C8orf48: variants seen among roughly 807,000 people sequenced by gnomAD.
C8orf48 encodes chromosome 8 open reading frame 48, also known as uncharacterized protein C8orf48.
For missense variants in C8orf48, 580 were observed against 363.3 expected (o/e 1.60, Z -4.85); for synonymous variants, 188 against 138.2 (o/e 1.36, Z -2.53).
Position 13,568,182 on chromosome 8 carries a change from A to AC in C8orf48, c.*231_*232insC, listed in dbSNP as rs1804524614. 5 of 471,286 alleles carry AC rather than the reference A, an allele frequency of 1.1e-5. No homozygotes were observed. In the Admixed American group the frequency reaches 2.0e-4, roughly 19 times the overall value. The allele number at this position is 471,286 out of a possible 1,614,324, so 29.2% of individuals were successfully genotyped here. A position where few individuals can be genotyped will look rare whatever the true frequency, so the allele number is the denominator to read the frequency against. On this transcript the variant is annotated 3_prime_UTR_variant, in exon 1 of 1. Coordinates refer to ENST00000297324, the MANE Select transcript of C8orf48 (RefSeq NM_001007090.3). ...GTTTGGGCCAGGATGTTGATGGTAC[A>AC]GAAGCAAAGTAGTATGGGGATGTAA...
At position 13,567,314 on chromosome 8, in the gene C8orf48, C is replaced by A. The variant is rs970878319; in HGVS notation, c.323C>A (p.Pro108Gln). The A allele has an allele frequency of 1.9e-6, 3 of 1,551,662 alleles. No individual in the cohort carries two copies. In the South Asian group the frequency reaches 3.6e-5, roughly 18 times the overall value. ...CGGCACCAACCAGACACCAAACTTC[C>A]AACAGAAATCACTCGGGTATCAGAT... ...FERHQPDTKL[P>Q]TEITRVSDEE... Residue 108 changes from proline (P) to glutamine (Q), a missense_variant, in exon 1 of 1, where the codon CCA (proline) becomes CAA (glutamine). By Grantham distance (76) the Pro-to-Gln change is moderately conservative (BLOSUM62 -1). Coordinates refer to ENST00000297324, the MANE Select transcript of C8orf48 (RefSeq NM_001007090.3).
At chr8:13,567,275 ACT>A in the C8orf48 span, 1 of 1,551,624 alleles carries the variant, frequency 6.4e-7, no homozygotes, top group Non-Finnish European at 8.7e-7. Context: ...AAGCTCAAAG[ACT>A]CTAACTTTGA....
Position 13,567,300 on chromosome 8 carries a change from A to G in C8orf48, c.309A>G (p.Pro103=), listed in dbSNP as rs370265980. 35 of 1,551,812 alleles carry G rather than the reference A, an allele frequency of 2.3e-5. No homozygotes were observed. The highest frequency in any genetic ancestry group is 3.0e-5 in the Non-Finnish European group (34 of 1,147,028). ...LKDSNFERHQ[P]DTKLPTEITR... ...ACTCTAACTTTGAACGGCACCAACC[A>G]GACACCAAACTTCCAACAGAAATCA... The change falls in exon 1 of 1, where the codon CCA becomes CCG. Residue 103 remains proline, a synonymous_variant. Transcript: ENST00000297324.
chr8:13,567,620 C>T lies in C8orf48; in HGVS notation c.629C>T (p.Ala210Val). Residue 210 changes from alanine to valine, a missense_variant, in exon 1 of 1, where the codon GCC becomes GTC. Coordinates refer to ENST00000297324, the MANE Select transcript of C8orf48 (RefSeq NM_001007090.3). ...PYCNRKRAEL[A>V]LSAFLKQKKT... ...TGTAACAGGAAAAGAGCGGAGCTGG[C>T]CCTGTCTGCCTTTCTGAAACAAAAG... The T allele has an allele frequency of 3.2e-6, 5 of 1,551,670 alleles. No homozygotes were observed. The highest frequency in any genetic ancestry group is 4.4e-6 in the Non-Finnish European group (5 of 1,146,992).
chr8:13,567,781 AGACT>A, the C8orf48 span: 7 of 1,551,946 alleles, frequency 4.5e-6, no homozygotes, highest in Non-Finnish European at 6.1e-6. Context: ...AATCTGGAAA[AGACT>A]GACTGAGAAA....
chr8:13,567,685 G>C lies in C8orf48; in HGVS notation c.694G>C (p.Asp232His). ...GTCATTTCTACTCCAAGAGAGAATA[G>C]ATGAACATCTTCATACCAAAGACTT... ...LESFLLQERI[D>H]EHLHTKDFLT... Residue 232 changes from aspartate to histidine, a missense_variant, in exon 1 of 1, where the codon GAT becomes CAT. Asp to His is a moderately conservative substitution (Grantham distance 81). Coordinates refer to ENST00000297324, the MANE Select transcript of C8orf48 (RefSeq NM_001007090.3). 1 of 1,551,960 alleles carries C rather than the reference G, an allele frequency of 6.4e-7. No homozygotes were observed. The highest frequency in any genetic ancestry group is 8.7e-7 in the Non-Finnish European group (1 of 1,147,046).
At position 13,567,146 on chromosome 8, in the gene C8orf48, G is replaced by A; in HGVS notation, c.155G>A (p.Gly52Glu). ...CGGCAGTCCTCGCCCCTGACCTCTG[G>A]GAGCAAACTGGAGAGGGAAAAGCAG... ...GGRQSSPLTS[G>E]SKLEREKQTP... The change falls in exon 1 of 1, where the codon GGG (glycine) becomes GAG (glutamate). Residue 52 changes from glycine to glutamate, a missense_variant. Physicochemically the swap from Gly to Glu is moderately conservative, Grantham distance 98. Transcript: ENST00000297324. 1.3e-6 allele frequency: 2 copies of A among 1,551,712 alleles called. No individual in the cohort carries two copies. Among genetic ancestry groups the A allele is most frequent in the Non-Finnish European group, 1.7e-6 (2 of 1,147,008 alleles).
rs1266839408 is a variant in C8orf48 at position 13,567,645 on chromosome 8, G to C, written c.654G>C (p.Lys218Asn). ...CCCTGTCTGCCTTTCTGAAACAAAAGAAGACTTTACTGGAGTCATTTCTAC... is the reference window on the plus strand; with the variant it reads ...CCCTGTCTGCCTTTCTGAAACAAAACAAGACTTTACTGGAGTCATTTCTAC... ...ELALSAFLKQ[K>N]KTLLESFLLQ... Residue 218 changes from lysine (K) to asparagine (N), a missense_variant, in exon 1 of 1, where the codon AAG (lysine) becomes AAC (asparagine). Transcript: ENST00000297324. 1 of 1,551,670 alleles carries C rather than the reference G, an allele frequency of 6.4e-7. No homozygotes were observed. The highest frequency in any genetic ancestry group is 1.2e-5 in the South Asian group (1 of 84,056).
rs1304940675 is a variant in C8orf48 at position 13,567,403 on chromosome 8, G to A, written c.412G>A (p.Asp138Asn). Reference protein sequence around the residue: ...MKINLIHRRGDSKKKTSSRHK... With the variant: ...MKINLIHRRGNSKKKTSSRHK... The stretch of plus-strand genomic sequence containing the variant: ...GATAAATTTGATTCATCGTAGAGGG[G>A]ATTCTAAGAAGAAGACGAGCAGCAG... The change falls in exon 1 of 1, where the codon GAT becomes AAT. Residue 138 changes from aspartate (D) to asparagine (N), a missense_variant. By Grantham distance (23) the Asp-to-Asn change is conservative. Transcript: ENST00000297324. 14 of 1,551,644 alleles carry A rather than the reference G, an allele frequency of 9.0e-6. No homozygotes were observed. The highest frequency in any genetic ancestry group is 6.8e-5 in the African/African-American group (5 of 73,040).
Position 13,567,955 on chromosome 8 carries a change from G to C in C8orf48, c.*4G>C, listed in dbSNP as rs964731705. On this transcript the variant is annotated 3_prime_UTR_variant, in exon 1 of 1. Coordinates refer to ENST00000297324, the MANE Select transcript of C8orf48 (RefSeq NM_001007090.3). ...GATTGTTAATGATAATGTGTAATGTGGATAGATGTCTTTGTTGTGTATTTG... is the reference window on the plus strand; with the variant it reads ...GATTGTTAATGATAATGTGTAATGTCGATAGATGTCTTTGTTGTGTATTTG... 2.0e-5 allele frequency: 31 copies of C among 1,529,588 alleles called. No individual in the cohort carries two copies. Among genetic ancestry groups the C allele is most frequent in the Non-Finnish European group, 2.6e-5 (30 of 1,137,572 alleles). 94.8% of individuals were successfully genotyped at this position (1,529,588 alleles called of 1,614,324 possible). A position where few individuals can be genotyped will look rare whatever the true frequency, so the allele number is the denominator to read the frequency against.
Position 13,566,875 on chromosome 8 carries a change from A to AAC in C8orf48, c.-117_-116insAC. On this transcript the variant is annotated 5_prime_UTR_variant, in exon 1 of 1. Transcript: ENST00000297324. ...CTGGGAAGGCGTCTCCCGGAAGACGACCTCCGCAGAGCTGATGGCATTGAG... is the reference window on the plus strand; with the variant it reads ...CTGGGAAGGCGTCTCCCGGAAGACGAACCCTCCGCAGAGCTGATGGCATTGAG... The AAC allele has an allele frequency of 7.6e-7, 1 of 1,312,666 alleles. No individual in the cohort carries two copies. Among genetic ancestry groups the AAC allele is most frequent in the South Asian group, 1.8e-5 (1 of 55,838 alleles). The allele number at this position is 1,312,666 out of a possible 1,614,324, so 81.3% of individuals were successfully genotyped here.
chr8:13,567,174 T>G lies in C8orf48; in HGVS notation c.183T>G (p.Thr61=). The part of the protein sequence containing the change: ...SGSKLEREKQ[T]PSLEQGDTQS... Reference sequence around the variant, plus strand: ...GCAAACTGGAGAGGGAAAAGCAGACTCCAAGCTTGGAACAAGGAGACACAC... The same window carrying G: ...GCAAACTGGAGAGGGAAAAGCAGACGCCAAGCTTGGAACAAGGAGACACAC... Residue 61 remains threonine, a synonymous_variant, in exon 1 of 1, where the codon ACT becomes ACG. Coordinates refer to ENST00000297324, the MANE Select transcript of C8orf48 (RefSeq NM_001007090.3). 1 of 1,551,716 alleles carries G rather than the reference T, an allele frequency of 6.4e-7. No homozygotes were observed. Among genetic ancestry groups the G allele is most frequent in the Non-Finnish European group, 8.7e-7 (1 of 1,146,992 alleles).
Position 13,568,026 on chromosome 8 carries a change from A to C in C8orf48, c.*75A>C. ...CAGGCACTTGGGAAACTAACTTAAG[A>C]CTTTACTATGCTTCCTTCACAGATT... On this transcript the variant is annotated 3_prime_UTR_variant, in exon 1 of 1. Coordinates refer to ENST00000297324, the MANE Select transcript of C8orf48 (RefSeq NM_001007090.3). The C allele has an allele frequency of 7.1e-7, 1 of 1,401,878 alleles. No homozygotes were observed. 86.8% of individuals were successfully genotyped at this position (1,401,878 alleles called of 1,614,324 possible). A position where few individuals can be genotyped will look rare whatever the true frequency, so the allele number is the denominator to read the frequency against.
the C8orf48 span, chr8:13,567,662 C>A: frequency 1.3e-6 from 2 of 1,551,772 alleles, no homozygotes; most frequent in Non-Finnish European, 1.7e-6. Flanking sequence ...TTACTGGAGT[C>A]ATTTCTACTC....
chr8:13,566,996 C>T lies in C8orf48; in HGVS notation c.5C>T (p.Ala2Val). The T allele has an allele frequency of 1.9e-6, 3 of 1,542,556 alleles. No homozygotes were observed. The highest frequency in any genetic ancestry group is 2.7e-5 in the African/African-American group (2 of 72,820). M[A>V]ICPELAQTDK... ...AGCCGAGCCTGATGCATTGTGATGG[C>T]CATCTGCCCAGAATTGGCCCAAACG... Residue 2 changes from alanine to valine, a missense_variant, in exon 1 of 1, where the codon GCC (alanine) becomes GTC (valine). Ala to Val is a moderately conservative substitution (Grantham distance 64, BLOSUM62 0). Transcript: ENST00000297324.
Position 13,567,549 on chromosome 8 carries a change from A to C in C8orf48, c.558A>C (p.Lys186Asn). Residue 186 changes from lysine to asparagine, a missense_variant, in exon 1 of 1, where the codon AAA becomes AAC. Transcript: ENST00000297324. The stretch of plus-strand genomic sequence containing the variant: ...TTAAAAACATGAGGACAACGCCAAA[A>C]CAGGAGGCAGCAGCTAAGCAACACA... Reference protein sequence around the residue: ...IYFKNMRTTPKQEAAAKQHIS... With the variant: ...IYFKNMRTTPNQEAAAKQHIS... The C allele has an allele frequency of 1.3e-6, 2 of 1,551,776 alleles. No individual in the cohort carries two copies. Among genetic ancestry groups the C allele is most frequent in the Non-Finnish European group, 1.7e-6 (2 of 1,147,026 alleles).
At chr8:13,567,702 CA>C in the C8orf48 span, 1 of 1,551,932 alleles carries the variant, frequency 6.4e-7, no homozygotes, top group South Asian at 1.2e-5. Flanking sequence ...ATCTTCATAC[CA>C]AAGACTTTCT....
chr8:13,567,476 A>G lies in C8orf48; in HGVS notation c.485A>G (p.Asp162Gly), dbSNP rs958340697. The G allele has an allele frequency of 2.3e-5, 35 of 1,551,996 alleles. No individual in the cohort carries two copies. Among genetic ancestry groups the G allele is most frequent in the Non-Finnish European group, 2.9e-5 (33 of 1,147,086 alleles). The change falls in exon 1 of 1, where the codon GAT (aspartate) becomes GGT (glycine). Residue 162 changes from aspartate to glycine, a missense_variant. Coordinates refer to ENST00000297324, the MANE Select transcript of C8orf48 (RefSeq NM_001007090.3). The part of the protein sequence containing the change: ...LGLDVEASER[D>G]AFSCTVPDEL... ...TTGGATGTAGAGGCTTCAGAGAGAG[A>G]TGCCTTTAGTTGTACTGTACCCGAT...
Position 13,567,219 on chromosome 8 carries a change from T to C in C8orf48, c.228T>C (p.Tyr76=), listed in dbSNP as rs1246605614. The part of the protein sequence containing the change: ...QGDTQSELLD[Y]KNYEKKLSKK... The stretch of plus-strand genomic sequence containing the variant: ...ACACACAATCTGAGCTTTTGGACTA[T>C]AAAAATTATGAAAAGAAGTTGAGTA... Residue 76 remains tyrosine (Y), a synonymous_variant, in exon 1 of 1, where the codon TAT becomes TAC. Coordinates refer to ENST00000297324, the MANE Select transcript of C8orf48 (RefSeq NM_001007090.3). The C allele has an allele frequency of 1.3e-6, 2 of 1,551,552 alleles. No individual in the cohort carries two copies. The highest frequency in any genetic ancestry group is 2.0e-5 in the Admixed American group (1 of 50,932).
Sources: gnomAD v4.1 joint callset for allele counts on GRCh38, gnomAD v4.1.1 for gene constraint, MANE v1.5 for transcripts, NCBI Gene and HGNC (gene_info 2026-07-23, HGNC 2026-07-21) for gene names.